The following GRM8 variants were observed in gnomAD, a reference collection of about 807,000 sequenced individuals.
The protein encoded by GRM8 is metabotropic glutamate receptor 8.
Under a neutral mutation model 87.2 loss-of-function variants are expected in GRM8, and 47 were observed. That is an observed-to-expected ratio of 0.54 (90% confidence interval 0.43 to 0.69). The LOEUF (loss-of-function observed/expected upper bound fraction) is 0.69, where lower values mean the gene tolerates loss of function less well. Ranked by LOEUF, GRM8 falls within the 30% of genes least tolerant of loss-of-function variation. The pLI is 0.00. For synonymous variants in GRM8, 396 were observed against 404.5 expected, an observed-to-expected ratio of 0.98 and a Z score of 0.25; for missense variants, 1,019 against 1,139.2, an observed-to-expected ratio of 0.89 and a Z score of 1.52.
chr7:127,235,639 A>C (rs1300355223), intron 2 of GRM8, among the ~76,000 whole-genome samples: 1 of 152,264 alleles, frequency 6.6e-6, no homozygotes, highest in Non-Finnish European at 1.5e-5. Context: ...AATTATTAAA[A>C]AAATAAAGTC....
At chr7:126,845,401 A>C (rs1796626717) in intron 6 of GRM8, among the ~76,000 whole-genome samples, 1 of 152,168 alleles carries the variant, frequency 6.6e-6, no homozygotes, top group African/African-American at 2.4e-5. Context: ...TCAATGCTAG[A>C]TGCCTTAGCT....
At position 126,533,523 on chromosome 7, in the gene GRM8, T is replaced by C; in HGVS notation, c.1859A>G (p.Glu620Gly). 1 of 1,614,052 alleles carries C rather than the reference T, an allele frequency of 6.2e-7. No homozygotes were observed. The highest frequency in any genetic ancestry group is 8.5e-7 in the Non-Finnish European group (1 of 1,179,980). The part of the protein sequence containing the change: ...DTPIVRASGR[E>G]LSYVLLTGIF... ...CCCCGTTAGGAGCACGTAACTAAGTTCGCGTCCTGAAGCCCTCACGATAGG... is the reference window on the plus strand; with the variant it reads ...CCCCGTTAGGAGCACGTAACTAAGTCCGCGTCCTGAAGCCCTCACGATAGG... The change falls in exon 9 of 11, where the codon GAA becomes GGA. Residue 620 changes from glutamate (E) to glycine (G), a missense_variant. By Grantham distance (98) the Glu-to-Gly change is moderately conservative. Coordinates refer to ENST00000339582, the MANE Select transcript of GRM8 (RefSeq NM_000845.3).
intron 6 of GRM8, among the ~76,000 whole-genome samples, chr7:126,785,812 G>T (rs1007066436): frequency 2.6e-5 from 4 of 151,912 alleles, no homozygotes; most frequent in Admixed American, 2.6e-4. Context: ...CACCCTTCCT[G>T]CACCACCTCC....
intron 3 of GRM8, among the ~76,000 whole-genome samples, chr7:127,066,506 T>C (rs1021520913): frequency 6.6e-6 from 1 of 152,146 alleles, no homozygotes; most frequent in Non-Finnish European, 1.5e-5. Flanking sequence ...GAGAAAGGTA[T>C]TCTTTATTTT....
chr7:127,189,377 T>G (rs1794902183), intron 2 of GRM8, among the ~76,000 whole-genome samples: 1 of 152,184 alleles, frequency 6.6e-6, no homozygotes, highest in South Asian at 2.1e-4. Context: ...TATATTCAGT[T>G]TGATAGAGGA....
At chr7:126,729,658 C>G (rs1813384977) in intron 7 of GRM8, among the ~76,000 whole-genome samples, 1 of 152,216 alleles carries the variant, frequency 6.6e-6, no homozygotes, top group Non-Finnish European at 1.5e-5. Context: ...GGGTAACTGA[C>G]TAGCCCTAAA....
At chr7:126,892,661 T>A (rs13307763) in intron 6 of GRM8, among the ~76,000 whole-genome samples, 5 of 151,976 alleles carry the variant, frequency 3.3e-5, no homozygotes, top group South Asian at 4.1e-4. Context: ...CAGTAATGGG[T>A]TGGCTGGGTC....
At chr7:126,623,319 A>T (rs936251256) in intron 7 of GRM8, among the ~76,000 whole-genome samples, 7 of 151,950 alleles carry the variant, frequency 4.6e-5, no homozygotes, top group Non-Finnish European at 1.0e-4. Context: ...TAATGGTGAC[A>T]TTAATTTTAA....
intron 9 of GRM8, among the ~76,000 whole-genome samples, chr7:126,464,177 T>A (rs1197204770): frequency 6.6e-6 from 1 of 151,744 alleles, no homozygotes; most frequent in Non-Finnish European, 1.5e-5. Context: ...GTATGTATAA[T>A]GCAAATATCT....
chr7:126,646,478 T>C (rs1450312098), intron 7 of GRM8, among the ~76,000 whole-genome samples: 1 of 152,128 alleles, frequency 6.6e-6, no homozygotes, highest in Non-Finnish European at 1.5e-5. Flanking sequence ...CCCTCTGTAA[T>C]TTCCTCCCTC....
chr7:127,162,974 T>C (rs753578286), intron 2 of GRM8, among the ~76,000 whole-genome samples: 6 of 152,130 alleles, frequency 3.9e-5, no homozygotes, highest in Non-Finnish European at 7.4e-5. Flanking sequence ...TATTTAGTTA[T>C]GTGGATGATG....
chr7:127,205,523 G>A (rs908922184), intron 2 of GRM8, among the ~76,000 whole-genome samples: 1 of 152,104 alleles, frequency 6.6e-6, no homozygotes, highest in Non-Finnish European at 1.5e-5. Context: ...GGGCAGGTAA[G>A]AGACCTGACA....
At chr7:126,901,741 T>C (rs1802096326) in intron 6 of GRM8, among the ~76,000 whole-genome samples, 3 of 152,246 alleles carry the variant, frequency 2.0e-5, no homozygotes, top group African/African-American at 7.2e-5. Flanking sequence ...GTTTTCAGTG[T>C]AAAGGATTTG....
rs75147781 is a variant in GRM8, at chr7:126,626,421, T to C, written c.1358-16923A>G. 1.2e-4 allele frequency among the ~76,000 whole-genome samples: 18 copies of C among 152,332 alleles called. 1 individual carries two copies. The East Asian group carries it at 3.3e-3, about 28-fold the overall frequency. On this transcript the variant is annotated intron_variant, in intron 7 of 10. Coordinates refer to ENST00000339582, the MANE Select transcript of GRM8 (RefSeq NM_000845.3). ...TCCCTACCATAGTAGGTAAGGGATA[T>C]GAGGTAGAAATACAATTTCACTTTT...
At chr7:127,228,096 G>C (rs1269641250) in intron 2 of GRM8, among the ~76,000 whole-genome samples, 1 of 152,178 alleles carries the variant, frequency 6.6e-6, no homozygotes, top group African/African-American at 2.4e-5. Flanking sequence ...AAACCATACA[G>C]AAATAATTTG....
chr7:126,983,297 G>T (rs984272106), intron 3 of GRM8, among the ~76,000 whole-genome samples: 5 of 152,054 alleles, frequency 3.3e-5, no homozygotes, highest in African/African-American at 1.2e-4. Context: ...GAAGCATCTG[G>T]ATTGAAAGGA....
rs1811269390 is a variant in GRM8 at position 126,712,933 on chromosome 7, A to G, written c.1357+56932T>C. 2.0e-5 allele frequency among the ~76,000 whole-genome samples: 3 copies of G among 152,324 alleles called. No individual in the cohort carries two copies. The South Asian group carries it at 6.2e-4, about 32-fold the overall frequency. On this transcript the variant is annotated intron_variant, in intron 7 of 10. Coordinates refer to ENST00000339582, the MANE Select transcript of GRM8 (RefSeq NM_000845.3). ...GCCAGTTAGAATGGTGATCATTAAA[A>G]AGTCAGGAAAACAGACGCTGGTGAG...
At chr7:126,865,476 A>AATATATACAT (rs1456607328) in intron 6 of GRM8, among the ~76,000 whole-genome samples, 18 of 152,340 alleles carry the variant, frequency 1.2e-4, no homozygotes, top group Non-Finnish European at 2.1e-4. Context: ...AATGGCTTTT[A>AATATATACAT]ATATATACAT....
chr7:126,499,679 A>T (rs1809341589), intron 9 of GRM8, among the ~76,000 whole-genome samples: 1 of 152,002 alleles, frequency 6.6e-6, no homozygotes, highest in African/African-American at 2.4e-5. Flanking sequence ...TGAGCCAGGC[A>T]CAGAGAGAAA....
Sources: gnomAD v4.1 joint callset for allele counts (sites outside exome capture counted in the v4.1 genomes callset) on GRCh38, gnomAD v4.1.1 for gene constraint, MANE v1.5 for transcripts, NCBI Gene and HGNC (gene_info 2026-07-23, HGNC 2026-07-21) for gene names.